STAB2: variants seen among roughly 807,000 people sequenced by gnomAD.
STAB2 encodes stabilin-2.
A neutral mutation model predicts 338.1 loss-of-function variants in STAB2; 288 were observed. The observed-to-expected ratio is 0.85, with a 90% CI of 0.77 to 0.94. The LOEUF is 0.94. Ranked by LOEUF, STAB2 falls within the 40% of genes least tolerant of loss-of-function variation. The probability of loss-of-function intolerance (pLI) is 0.00; values close to 1 mark genes in which losing one functional copy is unlikely to be tolerated. For missense variants in STAB2, 3,141 were observed against 3,210.1 expected, an observed-to-expected ratio of 0.98 and a Z score of 0.52; for synonymous variants, 1,202 against 1,193.3, an observed-to-expected ratio of 1.01 and a Z score of -0.15.
At chr12:103,758,829 C>T (rs1000275123) in intron 64 of STAB2, among the ~76,000 whole-genome samples, 19 of 152,318 alleles carry the variant, frequency 1.2e-4, no homozygotes, top group African/African-American at 4.6e-4. Flanking sequence ...CCTGAGGCTC[C>T]GACAGCCCCA....
intron 25 of STAB2, among the ~76,000 whole-genome samples, chr12:103,682,564 T>G (rs2138867282): frequency 6.6e-6 from 1 of 152,122 alleles, no homozygotes; most frequent in Admixed American, 6.5e-5. Context: ...TTGCTTAACC[T>G]TTCTCATTAG....
intron 44 of STAB2, among the ~76,000 whole-genome samples, chr12:103,721,456 T>C (rs933344876): frequency 1.3e-5 from 2 of 152,180 alleles, no homozygotes; most frequent in African/African-American, 4.8e-5. Flanking sequence ...CCTTACCCCA[T>C]GTAGGCTATG....
chr12:103,699,869 C>T (rs1325441105), intron 34 of STAB2, among the ~76,000 whole-genome samples: 4 of 152,190 alleles, frequency 2.6e-5, no homozygotes, highest in Non-Finnish European at 5.9e-5. Context: ...CGTCCTTCAG[C>T]GCTGGTACAA....
chr12:103,672,918 G>A (rs1364734395), intron 22 of STAB2, among the ~76,000 whole-genome samples: 3 of 152,104 alleles, frequency 2.0e-5, no homozygotes, highest in Admixed American at 2.0e-4. Context: ...TTTCTGCCTG[G>A]GAATTTAGCA....
chr12:103,632,903 T>A (rs1957486574), intron 6 of STAB2, among the ~76,000 whole-genome samples: 1 of 152,228 alleles, frequency 6.6e-6, no homozygotes, highest in African/African-American at 2.4e-5. Context: ...ATTTAACTTA[T>A]CCTCGGGACT....
At chr12:103,764,523 C>T (rs901710209) in intron 68 of STAB2, among the ~76,000 whole-genome samples, 1 of 152,088 alleles carries the variant, frequency 6.6e-6, no homozygotes, top group African/African-American at 2.4e-5. Context: ...GGAAGTACAT[C>T]CTGCCTGTAG....
chr12:103,703,911 T>C (rs1879119026), intron 35 of STAB2, among the ~76,000 whole-genome samples: 1 of 152,178 alleles, frequency 6.6e-6, no homozygotes, highest in Admixed American at 6.5e-5. Context: ...ACTATCCCCA[T>C]TTTACAGATG....
intron 42 of STAB2, among the ~76,000 whole-genome samples, chr12:103,714,085 A>ACTGGAGAAAATACT (rs1331599872): frequency 1.3e-5 from 2 of 152,388 alleles, no homozygotes; most frequent in African/African-American, 4.8e-5. Flanking sequence ...AAGCACATGT[A>ACTGGAGAAAATACT]CTGGAGAAAA....
intron 9 of STAB2, among the ~76,000 whole-genome samples, chr12:103,641,447 A>G (rs1250080363): frequency 1.3e-5 from 2 of 152,226 alleles, no homozygotes; most frequent in Non-Finnish European, 2.9e-5. Flanking sequence ...TACATTCGTC[A>G]ATCTCTGAGA....
At chr12:103,711,597 G>A (rs12368080) in intron 40 of STAB2, 81 bp downstream of exon 40, 1 of 1,506,134 alleles carries the variant, frequency 6.6e-7, no homozygotes, top group Non-Finnish European at 9.1e-7. Flanking sequence ...TCTATCCTCA[G>A]GGGATTTGTT....
intron 3 of STAB2, among the ~76,000 whole-genome samples, chr12:103,616,514 A>G (rs144737697): frequency 6.6e-6 from 1 of 152,324 alleles, no homozygotes; most frequent in East Asian, 1.9e-4. Context: ...TGAGTTTGGG[A>G]GACTGGGATT....
At chr12:103,653,747 A>ATGAATGG (rs1458193151) in intron 12 of STAB2, among the ~76,000 whole-genome samples, 2 of 22,790 alleles carry the variant, frequency 8.8e-5, no homozygotes, top group African/African-American at 1.8e-4. Context: ...TGGATGGATG[A>ATGAATGG]ATGGATGGAT....
chr12:103,635,988 G>T (rs2138679601), intron 6 of STAB2, among the ~76,000 whole-genome samples: 1 of 152,300 alleles, frequency 6.6e-6, no homozygotes, highest in East Asian at 1.9e-4. Flanking sequence ...TTGGGTACTT[G>T]TCTCAGCCCT....
chr12:103,660,033 A>G (rs1449602558), intron 15 of STAB2, among the ~76,000 whole-genome samples: 1 of 152,238 alleles, frequency 6.6e-6, no homozygotes, highest in Non-Finnish European at 1.5e-5. Flanking sequence ...GACCTTGGAC[A>G]TGTCTTTGAA....
chr12:103,707,560 A>G (rs1263888646), intron 38 of STAB2, among the ~76,000 whole-genome samples: 1 of 152,204 alleles, frequency 6.6e-6, no homozygotes, highest in Non-Finnish European at 1.5e-5. Context: ...CACCAGCAGC[A>G]AGACACATGC....
At chr12:103,696,340 T>C (rs185527770) in intron 33 of STAB2, among the ~76,000 whole-genome samples, 3 of 152,198 alleles carry the variant, frequency 2.0e-5, no homozygotes, top group Admixed American at 1.3e-4. Context: ...AGCCACCCAA[T>C]ATAAACATGG....
At chr12:103,648,507 T>C (rs751025641) in intron 9 of STAB2, among the ~76,000 whole-genome samples, 183 bp from the exon 10 acceptor site, 1 of 152,174 alleles carries the variant, frequency 6.6e-6, no homozygotes, top group African/African-American at 2.4e-5. Context: ...ATACATTTAA[T>C]TTATTAGGCA....
At chr12:103,630,141 T>C (rs911900617) in intron 5 of STAB2, among the ~76,000 whole-genome samples, 1 of 152,192 alleles carries the variant, frequency 6.6e-6, no homozygotes, top group East Asian at 1.9e-4. Context: ...ATGAATGAAA[T>C]GGAGAGGCAA....
At chr12:103,588,627 G>T (rs1427750048) in intron 1 of STAB2, among the ~76,000 whole-genome samples, 2 of 152,118 alleles carry the variant, frequency 1.3e-5, no homozygotes, top group East Asian at 3.8e-4. Flanking sequence ...TACTGTATGA[G>T]ACAGACAATG....
Sources: allele counts gnomAD v4.1 joint callset (sites outside exome capture counted in the v4.1 genomes callset), GRCh38; gene constraint gnomAD v4.1.1; transcripts MANE v1.5; gene names NCBI Gene and HGNC (gene_info 2026-07-23, HGNC 2026-07-21).